CACNB2: variants seen among roughly 807,000 people sequenced by gnomAD.
The protein encoded by CACNB2 is voltage-dependent L-type calcium channel subunit beta-2.
A neutral mutation model predicts 73.3 loss-of-function variants in CACNB2; 42 were observed. That is an observed-to-expected ratio of 0.57 (90% CI 0.45 to 0.74). CACNB2 has a LOEUF of 0.74. Among genes scored for constraint, CACNB2 ranks in the 30% least tolerant of loss-of-function variants. CACNB2 has a pLI of 0.00. For synonymous variants in CACNB2, 348 were observed against 310.3 expected (o/e 1.12, Z -1.28); for missense variants, 940 against 853.0 (o/e 1.10, Z -1.27).
At chr10:18,212,468 G>T (rs2035356894) in intron 2 of CACNB2, among the ~76,000 whole-genome samples, 1 of 151,918 alleles carries the variant, frequency 6.6e-6, no homozygotes, top group East Asian at 1.9e-4. Flanking sequence ...TCTATGAGTT[G>T]GTTTTCCACT....
At chr10:18,194,337 G>T (rs929195532) in intron 2 of CACNB2, among the ~76,000 whole-genome samples, 5 of 152,168 alleles carry the variant, frequency 3.3e-5, no homozygotes, top group African/African-American at 1.2e-4. Context: ...AAGGAAGCCA[G>T]GTGGGAGTGA....
At chr10:18,202,615 T>C (rs1157295392) in intron 2 of CACNB2, among the ~76,000 whole-genome samples, 1 of 152,250 alleles carries the variant, frequency 6.6e-6, no homozygotes, top group Non-Finnish European at 1.5e-5. Flanking sequence ...AAGGATTTAG[T>C]ATAGTTCCTG....
At chr10:18,244,544 G>T (rs993606905) in intron 2 of CACNB2, among the ~76,000 whole-genome samples, 3 of 152,194 alleles carry the variant, frequency 2.0e-5, no homozygotes, top group Non-Finnish European at 4.4e-5. Flanking sequence ...TAGCAATTTT[G>T]TTGGAGAGTT....
At chr10:18,523,101 C>T (rs2052090297) in intron 9 of CACNB2, among the ~76,000 whole-genome samples, 1 of 151,988 alleles carries the variant, frequency 6.6e-6, no homozygotes, top group South Asian at 2.1e-4. Flanking sequence ...TTAGCTTGGA[C>T]CAAGGCTACT....
rs1035172528 is a variant in CACNB2, at chr10:18,403,442, C to T, written c.333+1399C>T. On this transcript the variant is annotated intron_variant, in intron 3 of 13. Transcript: ENST00000324631. The stretch of plus-strand genomic sequence containing the variant: ...TACAAAAAAACTACAGTTTGTATTC[C>T]GAAAATAAGATTGTTCTATTTGCGG... Among the ~76,000 whole-genome samples the T allele has an allele frequency of 7.2e-5, 11 of 152,156 alleles. No homozygotes were observed. In the East Asian group the frequency reaches 9.6e-4, roughly 13 times the overall value.
chr10:18,474,368 A>G (rs1273315571), intron 3 of CACNB2, among the ~76,000 whole-genome samples: 3 of 152,112 alleles, frequency 2.0e-5, no homozygotes, highest in Non-Finnish European at 2.9e-5. Flanking sequence ...GTCTCAATCA[A>G]TGGAGAAGCT....
chr10:18,214,326 A>C (rs1345096614), intron 2 of CACNB2, among the ~76,000 whole-genome samples: 1 of 75,904 alleles, frequency 1.3e-5, no homozygotes, highest in African/African-American at 3.1e-5. Flanking sequence ...GATGCTTTTA[A>C]AAATATTTAA....
At chr10:18,455,906 A>C (rs2047255700) in intron 3 of CACNB2, among the ~76,000 whole-genome samples, 1 of 152,226 alleles carries the variant, frequency 6.6e-6, no homozygotes, top group African/African-American at 2.4e-5. Flanking sequence ...GCCTAGCTTG[A>C]TGGTCCATGA....
At chr10:18,448,282 C>G (rs1031240226) in intron 3 of CACNB2, among the ~76,000 whole-genome samples, 1 of 151,882 alleles carries the variant, frequency 6.6e-6, no homozygotes, top group Non-Finnish European at 1.5e-5. Context: ...CCAGCCTGGC[C>G]AACATGGTGA....
At chr10:18,296,177 A>G (rs1349739131) in intron 2 of CACNB2, among the ~76,000 whole-genome samples, 1 of 152,016 alleles carries the variant, frequency 6.6e-6, no homozygotes, top group East Asian at 1.9e-4. Flanking sequence ...CTTTCCGACA[A>G]TAACAGTTTC....
intron 3 of CACNB2, among the ~76,000 whole-genome samples, chr10:18,408,510 A>T (rs2044424059): frequency 6.6e-6 from 1 of 152,038 alleles, no homozygotes; most frequent in Admixed American, 6.6e-5. Flanking sequence ...AAGTTCTGGG[A>T]TTACAAGCAT....
At chr10:18,534,376 A>ATAGT (rs1477835570) in intron 11 of CACNB2, 149 bp downstream of exon 11, 1 of 746,460 alleles carries the variant, frequency 1.3e-6, no homozygotes, top group African/African-American at 1.8e-5. Flanking sequence ...TTAAATTGAT[A>ATAGT]TAGTTTCATG....
At chr10:18,512,229 C>T (rs2050838743) in intron 6 of CACNB2, among the ~76,000 whole-genome samples, 1 of 152,146 alleles carries the variant, frequency 6.6e-6, no homozygotes, top group Non-Finnish European at 1.5e-5. Flanking sequence ...GTCCTCGTGC[C>T]CTTCCACTCT....
At chr10:18,307,265 C>G (rs1030699847) in intron 2 of CACNB2, among the ~76,000 whole-genome samples, 5 of 152,100 alleles carry the variant, frequency 3.3e-5, no homozygotes, top group African/African-American at 9.7e-5. Flanking sequence ...AGTTTGAGAC[C>G]AGCCTAGTCA....
intron 1 of CACNB2, among the ~76,000 whole-genome samples, chr10:18,146,010 G>T (rs768806131): frequency 1.3e-4 from 20 of 151,822 alleles, no homozygotes; most frequent in African/African-American, 3.9e-4. Flanking sequence ...CCATCCCCAA[G>T]AACTCTATTT....
intron 3 of CACNB2, among the ~76,000 whole-genome samples, chr10:18,417,360 C>CTTTT (rs34847923): frequency 1.4e-4 from 12 of 87,010 alleles, no homozygotes; most frequent in South Asian, 4.8e-4. Flanking sequence ...GCTAAAAATT[C>CTTTT]TTTTTTTTTT....
At chr10:18,533,085 G>A (rs575473145) in intron 10 of CACNB2, 26 of 152,182 alleles carry the variant, frequency 1.7e-4, no homozygotes, top group Admixed American at 1.1e-3. Context: ...GAAGCTTCTG[G>A]CAAGAATCCA....
intron 2 of CACNB2, among the ~76,000 whole-genome samples, chr10:18,351,403 C>T (rs1051259933): frequency 2.2e-4 from 34 of 152,250 alleles, no homozygotes; most frequent in South Asian, 6.2e-4. Flanking sequence ...CAATATACTA[C>T]GTATTCAGTG....
chr10:18,253,499 C>A (rs1057229597), intron 2 of CACNB2, among the ~76,000 whole-genome samples: 4 of 152,000 alleles, frequency 2.6e-5, no homozygotes, highest in Non-Finnish European at 5.9e-5. Flanking sequence ...ATATTTTATC[C>A]TGTTATCATC....
Sources: gnomAD v4.1 joint callset for allele counts (sites outside exome capture counted in the v4.1 genomes callset) on GRCh38, gnomAD v4.1.1 for gene constraint, MANE v1.5 for transcripts, NCBI Gene and HGNC (gene_info 2026-07-23, HGNC 2026-07-21) for gene names.